DPP6: variants seen among roughly 807,000 people sequenced by gnomAD.
DPP6 encodes the protein dipeptidyl peptidase like 6, also known as A-type potassium channel modulatory protein DPP6.
DPP6 carries 69 observed loss-of-function variants against 122.6 expected under a neutral mutation model. The ratio of observed to expected loss-of-function variants is 0.56; its 90% CI spans 0.46 to 0.69. The LOEUF (loss-of-function observed/expected upper bound fraction) is 0.69, where lower values mean the gene tolerates loss of function less well. Among genes scored for constraint, DPP6 ranks in the 30% least tolerant of loss-of-function variants. The pLI is 0.00. For missense variants in DPP6, 928 were observed against 1,116.9 expected (o/e 0.83, Z 2.41); for synonymous variants, 418 against 433.1 (o/e 0.97, Z 0.43).
At chr7:154,307,898 G>A (rs1176177717) in intron 1 of DPP6, among the ~76,000 whole-genome samples, 4 of 150,712 alleles carry the variant, frequency 2.7e-5, no homozygotes, top group Admixed American at 6.6e-5. Flanking sequence ...TTTTGAGTGA[G>A]AGAGAGGATT....
At chr7:154,079,948 G>A (rs1461042344) in intron 1 of DPP6, among the ~76,000 whole-genome samples, 1 of 151,604 alleles carries the variant, frequency 6.6e-6, no homozygotes, top group African/African-American at 2.4e-5. Context: ...GGGACCTGGA[G>A]AAACAGAAGG....
the DPP6 span, among the ~76,000 whole-genome samples, chr7:153,815,598 C>T: frequency 1.3e-5 from 2 of 151,244 alleles, no homozygotes; most frequent in Non-Finnish European, 2.9e-5. Flanking sequence ...GCCTCTCTGA[C>T]ATGAAAATCC....
chr7:154,180,586 ATAT>A (rs1798034644), intron 1 of DPP6, among the ~76,000 whole-genome samples: 1 of 149,098 alleles, frequency 6.7e-6, no homozygotes, highest in African/African-American at 2.5e-5. Flanking sequence ...ATTCGAGTTT[ATAT>A]TATTATTTTT....
At chr7:154,653,374 T>A (rs755253279) in intron 6 of DPP6, among the ~76,000 whole-genome samples, 2 of 152,100 alleles carry the variant, frequency 1.3e-5, no homozygotes, top group African/African-American at 4.8e-5. Flanking sequence ...GATTGACAGA[T>A]TGATTGATAA....
chr7:154,089,931 A>G (rs538799635), intron 1 of DPP6, among the ~76,000 whole-genome samples: 1 of 152,328 alleles, frequency 6.6e-6, no homozygotes, highest in East Asian at 1.9e-4. Context: ...AGAGGTTCCA[A>G]TGCTGGCATA....
the DPP6 span, among the ~76,000 whole-genome samples, chr7:153,820,320 C>T: frequency 1.3e-5 from 2 of 152,184 alleles, no homozygotes; most frequent in African/African-American, 4.8e-5. Context: ...TAAGGTTCTT[C>T]CAGCTGCTAT....
intron 6 of DPP6, among the ~76,000 whole-genome samples, chr7:154,644,417 C>T (rs1446890490): frequency 6.6e-6 from 1 of 152,172 alleles, no homozygotes; most frequent in Non-Finnish European, 1.5e-5. Context: ...GTGAGTTGAG[C>T]CTGGTGCCAT....
At chr7:153,797,030 GC>G in the DPP6 span, among the ~76,000 whole-genome samples, 3 of 152,160 alleles carry the variant, frequency 2.0e-5, no homozygotes, top group African/African-American at 7.2e-5. Flanking sequence ...CTGTGGAGGG[GC>G]CCACATGACA....
chr7:154,126,898 C>G, intron 1 of DPP6, among the ~76,000 whole-genome samples: 1 of 152,144 alleles, frequency 6.6e-6, no homozygotes, highest in Non-Finnish European at 1.5e-5. Flanking sequence ...TCCCTATTTT[C>G]TAGTTATACC....
At chr7:154,630,923 T>C (rs10236992) in intron 5 of DPP6, among the ~76,000 whole-genome samples, 75,565 of 151,944 alleles carry the variant, frequency 0.5, 19,246 homozygotes, top group African/African-American at 0.62. Flanking sequence ...GCACATTCTG[T>C]ACATGTCCCA....
intron 25 of DPP6, among the ~76,000 whole-genome samples, chr7:154,891,409 G>A (rs1221211229): frequency 1.3e-5 from 2 of 152,118 alleles, no homozygotes; most frequent in Admixed American, 1.3e-4. Context: ...AGCACGGCAC[G>A]GCTATAAGAT....
intron 5 of DPP6, among the ~76,000 whole-genome samples, chr7:154,571,989 T>C (rs1426565458): frequency 6.6e-6 from 1 of 152,122 alleles, no homozygotes; most frequent in East Asian, 1.9e-4. Flanking sequence ...TGCAGTTGCA[T>C]CTGAGAGCTC....
intron 1 of DPP6, among the ~76,000 whole-genome samples, chr7:154,373,444 C>T (rs1034112548): frequency 2.6e-5 from 4 of 152,158 alleles, no homozygotes; most frequent in African/African-American, 7.2e-5. Context: ...GGCTCCTGGC[C>T]GCTGAGGTGC....
chr7:154,815,512 T>A (rs1476030145), intron 16 of DPP6, among the ~76,000 whole-genome samples: 2 of 152,194 alleles, frequency 1.3e-5, no homozygotes, highest in African/African-American at 4.8e-5. Flanking sequence ...ATCTCAAGAG[T>A]ATGATTTATT....
rs139035445 is a variant in DPP6, at chr7:154,199,518, C to G, written c.243+146455C>G. On this transcript the variant is annotated intron_variant, in intron 1 of 25. Coordinates refer to ENST00000377770, the MANE Select transcript of DPP6 (RefSeq NM_130797.4). ...CATTTTGTTCATTTATTTGCCCGTC[C>G]TTTAGATATTCATGAAGAATTTGCA... 1.1e-3 allele frequency among the ~76,000 whole-genome samples: 166 copies of G among 152,062 alleles called. 1 individual carries two copies. The highest frequency in any genetic ancestry group is 3.8e-3 in the African/African-American group (158 of 41,474).
chr7:154,018,134 C>T (rs1798518550), intron 1 of DPP6, among the ~76,000 whole-genome samples: 1 of 151,922 alleles, frequency 6.6e-6, no homozygotes, highest in Non-Finnish European at 1.5e-5. Flanking sequence ...CTCCTATATC[C>T]ATCAAGACAA....
chr7:154,130,041 A>G (rs1808249669), intron 1 of DPP6, among the ~76,000 whole-genome samples: 1 of 152,014 alleles, frequency 6.6e-6, no homozygotes, highest in Admixed American at 6.6e-5. Flanking sequence ...GTGAGCCGAG[A>G]TCGCGCCATT....
chr7:154,800,188 A>C (rs1285886151), intron 12 of DPP6, among the ~76,000 whole-genome samples: 1 of 152,244 alleles, frequency 6.6e-6, no homozygotes, highest in Non-Finnish European at 1.5e-5. Flanking sequence ...CCAACTCTAA[A>C]TAGGAAAATA....
intron 1 of DPP6, among the ~76,000 whole-genome samples, chr7:154,182,942 C>G (rs1798169023): frequency 6.6e-6 from 1 of 152,114 alleles, no homozygotes; most frequent in Non-Finnish European, 1.5e-5. Flanking sequence ...CACTTCTCTT[C>G]CCACTCTGTG....
Sources: gnomAD v4.1 joint callset for allele counts (sites outside exome capture counted in the v4.1 genomes callset) on GRCh38, gnomAD v4.1.1 for gene constraint, MANE v1.5 for transcripts, NCBI Gene and HGNC (gene_info 2026-07-23, HGNC 2026-07-21) for gene names.